Variants in COL22A1 observed in about 807,000 individuals in gnomAD.
COL22A1 encodes collagen alpha-1(XXII) chain.
COL22A1 carries 221 observed loss-of-function variants against 248.9 expected under a neutral mutation model. The ratio of observed to expected loss-of-function variants is 0.89; its 90% CI spans 0.80 to 0.99. The LOEUF (loss-of-function observed/expected upper bound fraction) is 0.99. Among genes scored for constraint, COL22A1 ranks in the 50% least tolerant of loss-of-function variants. COL22A1 has a pLI of 0.00. For missense variants in COL22A1, 2,240 were observed against 2,179.0 expected, an observed-to-expected ratio of 1.03 and a Z score of -0.56; for synonymous variants, 891 against 793.4, an observed-to-expected ratio of 1.12 and a Z score of -2.07.
intron 47 of COL22A1, among the ~76,000 whole-genome samples, chr8:138,637,274 C>A (rs949808616): frequency 1.3e-5 from 2 of 152,046 alleles, no homozygotes; most frequent in Admixed American, 1.3e-4. Context: ...GGTCTGCAGG[C>A]CTTGCAGAAC....
At chr8:138,752,066 T>TGAGCTCAGGCAAGTCACTTGGTGCC (rs1034905611) in intron 21 of COL22A1, among the ~76,000 whole-genome samples, 1 of 152,248 alleles carries the variant, frequency 6.6e-6, no homozygotes, top group African/African-American at 2.4e-5. Context: ...TTCTGCCTCA[T>TGAGCTCAGGCAAGTCACTTGGTGCC]GAGCTCAGGC....
intron 27 of COL22A1, among the ~76,000 whole-genome samples, chr8:138,720,068 G>A (rs1251323734): frequency 6.6e-6 from 1 of 152,170 alleles, no homozygotes; most frequent in Non-Finnish European, 1.5e-5. Context: ...CACTCCTGGA[G>A]GGGGCCTGGG....
intron 3 of COL22A1, among the ~76,000 whole-genome samples, chr8:138,857,272 A>G (rs1822105779): frequency 6.6e-6 from 1 of 152,018 alleles, no homozygotes; most frequent in African/African-American, 2.4e-5. Flanking sequence ...GCCCACCCTC[A>G]CCACAGCTCT....
chr8:138,898,722 C>T (rs576246301), intron 1 of COL22A1, among the ~76,000 whole-genome samples: 51 of 152,236 alleles, frequency 3.4e-4, no homozygotes, highest in African/African-American at 9.1e-4. Context: ...ATAGAACATA[C>T]GTTCTGTAGC....
intron 16 of COL22A1, among the ~76,000 whole-genome samples, chr8:138,763,160 G>T (rs1563729001): frequency 1.3e-5 from 2 of 152,174 alleles, no homozygotes; most frequent in Non-Finnish European, 2.9e-5. Flanking sequence ...GCTGAGGCGG[G>T]TGAATCACCT....
Position 138,843,337 on chromosome 8 carries a change from A to G in COL22A1, c.733+747T>C, listed in dbSNP as rs554323509. On this transcript the variant is annotated intron_variant, in intron 4 of 64. Transcript: ENST00000303045. ...TGGCTCCCTGCTAGGATGGGGACAC[A>G]TAAGTGCTTAGAATTGGACCCAAGA... is the stretch of plus-strand genomic sequence containing the variant. 1.1e-4 allele frequency among the ~76,000 whole-genome samples: 16 copies of G among 152,280 alleles called. No homozygotes were observed. The South Asian group carries it at 2.5e-3, about 24-fold the overall frequency.
At chr8:138,828,163 A>C (rs1028406122) in intron 5 of COL22A1, 1 of 151,924 alleles carries the variant, frequency 6.6e-6, no homozygotes, top group Non-Finnish European at 1.5e-5. Context: ...GAAGGAATGC[A>C]GAACTTTGAA....
intron 16 of COL22A1, among the ~76,000 whole-genome samples, chr8:138,768,033 G>A (rs973158990): frequency 6.6e-6 from 1 of 152,212 alleles, no homozygotes; most frequent in African/African-American, 2.4e-5. Context: ...GATGGCCCAG[G>A]TGTCCCTGTG....
chr8:138,636,975 G>C (rs142499346), intron 47 of COL22A1, among the ~76,000 whole-genome samples, 180 bp from the exon 48 acceptor site: 170 of 152,286 alleles, frequency 1.1e-3, no homozygotes, highest in African/African-American at 3.8e-3. Flanking sequence ...TTGAGGATGT[G>C]TGATAAAATG....
At chr8:138,824,910 T>C (rs1043915048) in intron 6 of COL22A1, among the ~76,000 whole-genome samples, 1 of 152,198 alleles carries the variant, frequency 6.6e-6, no homozygotes, top group Non-Finnish European at 1.5e-5. Flanking sequence ...CAAGACAGAC[T>C]TCATCTCTCC....
At chr8:138,696,563 A>T (rs572783859) in intron 32 of COL22A1, among the ~76,000 whole-genome samples, 1 of 152,316 alleles carries the variant, frequency 6.6e-6, no homozygotes, top group African/African-American at 2.4e-5. Context: ...GAGGCCTTGC[A>T]GCCATGGTTT....
chr8:138,774,045 G>A (rs1031486165), intron 16 of COL22A1, among the ~76,000 whole-genome samples: 2 of 152,140 alleles, frequency 1.3e-5, no homozygotes, highest in Non-Finnish European at 2.9e-5. Flanking sequence ...CCACTTTTAT[G>A]TCCTCACCAT....
At chr8:138,868,428 A>G (rs1823066286) in intron 3 of COL22A1, among the ~76,000 whole-genome samples, 1 of 152,172 alleles carries the variant, frequency 6.6e-6, no homozygotes, top group African/African-American at 2.4e-5. Flanking sequence ...CATGTATGGT[A>G]TTGCAGTTTC....
chr8:138,768,237 C>T (rs921232586), intron 16 of COL22A1, among the ~76,000 whole-genome samples: 4 of 152,246 alleles, frequency 2.6e-5, no homozygotes, highest in Admixed American at 6.5e-5. Flanking sequence ...CAGCCGCCTC[C>T]TCAGCCTGGC....
At chr8:138,771,379 G>A (rs1351143504) in intron 16 of COL22A1, among the ~76,000 whole-genome samples, 1 of 152,234 alleles carries the variant, frequency 6.6e-6, no homozygotes, top group East Asian at 1.9e-4. Context: ...TCTGGATCCT[G>A]CTGGCTTTCT....
chr8:138,727,340 C>G (rs534177766), intron 23 of COL22A1, among the ~76,000 whole-genome samples: 17 of 152,140 alleles, frequency 1.1e-4, no homozygotes, highest in Non-Finnish European at 2.4e-4. Flanking sequence ...GAATTAAACT[C>G]TCCCTGCTCC....
intron 33 of COL22A1, 41 bp from the exon 34 acceptor site, chr8:138,694,602 G>T (rs1490515957): frequency 6.2e-7 from 1 of 1,606,838 alleles, no homozygotes; most frequent in Admixed American, 1.7e-5. Context: ...TCATCCTCCT[G>T]GTTCTGAGCA....
intron 5 of COL22A1, among the ~76,000 whole-genome samples, chr8:138,828,290 G>A (rs192896412): frequency 6.9e-4 from 105 of 152,118 alleles, no homozygotes; most frequent in African/African-American, 2.5e-3. Flanking sequence ...GCTGTCCCAA[G>A]CCTTGTAGGA....
At position 138,652,698 on chromosome 8, in the gene COL22A1, C is replaced by T. The variant is rs193146817; in HGVS notation, c.3334-2920G>A. 2.6e-3 allele frequency among the ~76,000 whole-genome samples: 367 copies of T among 143,270 alleles called. 1 individual carries two copies. Among genetic ancestry groups the T allele is most frequent in the Middle Eastern group, 4.0e-3 (1 of 248 alleles). 94.0% of individuals were successfully genotyped at this position (143,270 alleles called of 152,430 possible). A position where few individuals can be genotyped will look rare whatever the true frequency, so the allele number is the denominator to read the frequency against. ...TGTTCTTTCCCTCTAGTCTCTACCC[C>T]TTCCTTTGGTCTAAAATATTTTCTT... On this transcript the variant is annotated intron_variant, in intron 45 of 64. Coordinates refer to ENST00000303045, the MANE Select transcript of COL22A1 (RefSeq NM_152888.3).
Sources: allele counts gnomAD v4.1 joint callset (sites outside exome capture counted in the v4.1 genomes callset), GRCh38; gene constraint gnomAD v4.1.1; transcripts MANE v1.5; gene names NCBI Gene and HGNC (gene_info 2026-07-23, HGNC 2026-07-21).